The following QPRT variants were observed in gnomAD, a reference collection of about 807,000 sequenced individuals.
QPRT encodes the protein quinolinate phosphoribosyltransferase.
In QPRT, 17 loss-of-function variants were observed where a neutral mutation model predicts 19.8. The ratio of observed to expected loss-of-function variants is 0.86; its 90% CI spans 0.59 to 1.29. The LOEUF (loss-of-function observed/expected upper bound fraction) is 1.29, where lower values mean the gene tolerates loss of function less well. Among genes scored for constraint, QPRT ranks in the 50% most tolerant of loss-of-function variants. The probability of loss-of-function intolerance (pLI) is 0.00; values close to 1 mark genes in which losing one functional copy is unlikely to be tolerated. For missense variants in QPRT, 336 were observed against 405.1 expected (o/e 0.83, Z 1.46); for synonymous variants, 178 against 191.0 (o/e 0.93, Z 0.56).
chr16:29,697,194 C>T lies in QPRT; in HGVS notation c.682-5C>T, dbSNP rs76251984. ...TCTTACCTCCCCTTGGCTTGTGTCC[C>T]GCAGGAGCTGCACCCCACGGCCACC... On this transcript the variant is annotated splice_polypyrimidine_tract_variant and splice_region_variant and intron_variant, in intron 3 of 3. Coordinates refer to ENST00000395384, the MANE Select transcript of QPRT (RefSeq NM_014298.6). This position sits in a 1 kb window ranked among gnomAD's most constrained non-coding sequence, Gnocchi z 4.4. 213 of 1,605,204 alleles carry T rather than the reference C, an allele frequency of 1.3e-4. 1 individual carries two copies. In the East Asian group the frequency reaches 4.2e-3, roughly 32 times the overall value.
chr16:29,688,959 T>G (rs1967245768), intron 1 of QPRT, among the ~76,000 whole-genome samples: 1 of 151,064 alleles, frequency 6.6e-6, no homozygotes, highest in African/African-American at 2.4e-5. Flanking sequence ...TTTTGTATTT[T>G]TAGGAGAGAC....
At chr16:29,689,696 G>A (rs542735027) in intron 1 of QPRT, among the ~76,000 whole-genome samples, 197 of 152,054 alleles carry the variant, frequency 1.3e-3, no homozygotes, top group Middle Eastern at 3.4e-3. Context: ...GTTAAAATTC[G>A]ACCCCTGACC....
In QPRT at chr16:29,698,051, T is replaced by C. The variant is rs935432723; in HGVS notation, c.*640T>C. 1 of 150,360 alleles carries C rather than the reference T, an allele frequency of 6.7e-6. No homozygotes were observed. The highest frequency in any genetic ancestry group is 2.5e-5 in the African/African-American group (1 of 40,812). The allele number at this position is 150,360 out of a possible 1,614,324, so 9.3% of individuals were successfully genotyped here. A position where few individuals can be genotyped will look rare whatever the true frequency, so the allele number is the denominator to read the frequency against. On this transcript the variant is annotated 3_prime_UTR_variant, in exon 4 of 4. Coordinates refer to ENST00000395384, the MANE Select transcript of QPRT (RefSeq NM_014298.6). ...GGGAGGGAGGGAGGGAAAGGAAGGA[T>C]GGAAAGAAAGGAAGAAAGGCAGGCA...
At chr16:29,695,281 A>G (rs1246102887) in intron 2 of QPRT, 82 bp downstream of exon 2, 2 of 1,399,082 alleles carry the variant, frequency 1.4e-6, no homozygotes, top group African/African-American at 1.6e-5. Flanking sequence ...GCCTCCAGCC[A>G]TGACCGGGTG....
Position 29,697,340 on chromosome 16 carries a change from G to A in QPRT, c.823G>A (p.Ala275Thr), listed in dbSNP as rs370627302. Residue 275 changes from alanine to threonine, a missense_variant, in exon 4 of 4, where the codon GCG (alanine) becomes ACG (threonine). Ala to Thr is a moderately conservative substitution (Grantham distance 58, BLOSUM62 0). Coordinates refer to ENST00000395384, the MANE Select transcript of QPRT (RefSeq NM_014298.6). The surrounding 1 kb of genome is among the most constrained non-coding windows in gnomAD (Gnocchi z 4.4). ...DVISMGMLTQAAPALDFSLKL... is the reference protein window; with the variant it reads ...DVISMGMLTQTAPALDFSLKL... ...CATCTCCATGGGGATGCTGACCCAG[G>A]CGGCCCCAGCCCTTGATTTCTCCCT... 1 of 1,614,126 alleles carries A rather than the reference G, an allele frequency of 6.2e-7. No individual in the cohort carries two copies. Among genetic ancestry groups the A allele is most frequent in the Non-Finnish European group, 8.5e-7 (1 of 1,179,994 alleles).
Position 29,695,215 on chromosome 16 carries a change from G to C in QPRT, c.549+16G>C. The stretch of plus-strand genomic sequence containing the variant: ...CGTGGAGAAGGTGCTGGTCCTGCCT[G>C]TCCCTGGTCCAACCCCACCCTCAGC... On this transcript the variant is annotated intron_variant, in intron 2 of 3. Coordinates refer to ENST00000395384, the MANE Select transcript of QPRT (RefSeq NM_014298.6). The C allele has an allele frequency of 6.6e-7, 1 of 1,518,388 alleles. No individual in the cohort carries two copies. The highest frequency in any genetic ancestry group is 8.8e-7 in the Non-Finnish European group (1 of 1,130,274). The allele number at this position is 1,518,388 out of a possible 1,614,324, so 94.1% of individuals were successfully genotyped here. A position where few individuals can be genotyped will look rare whatever the true frequency, so the allele number is the denominator to read the frequency against.
intron 1 of QPRT, among the ~76,000 whole-genome samples, chr16:29,686,279 C>T (rs950350168): frequency 1.1e-4 from 17 of 152,152 alleles, no homozygotes; most frequent in African/African-American, 4.1e-4. Context: ...CCACACTGCC[C>T]CCACCCCGAC....
intron 1 of QPRT, 128 bp downstream of exon 1, chr16:29,679,338 G>A: frequency 3.1e-6 from 2 of 653,972 alleles, no homozygotes; most frequent in Non-Finnish European, 5.4e-6. Context: ...TCCCGCCATC[G>A]ACTCCCTTAC....
At chr16:29,683,917 G>A (rs1302022994) in intron 1 of QPRT, among the ~76,000 whole-genome samples, 3 of 152,082 alleles carry the variant, frequency 2.0e-5, no homozygotes, top group Non-Finnish European at 2.9e-5. Context: ...TGCGCTCCTC[G>A]AGCATGACAA....
rs1967574799 is a variant in QPRT, at chr16:29,697,287, C to T, written c.770C>T (p.Pro257Leu). 6.2e-7 allele frequency: 1 copy of T among 1,614,214 alleles called. No individual in the cohort carries two copies. The highest frequency in any genetic ancestry group is 2.2e-5 in the East Asian group (1 of 44,888). The change falls in exon 4 of 4, where the codon CCC becomes CTC. Residue 257 changes from proline (P) to leucine (L), a missense_variant. Transcript: ENST00000395384. This position sits in a 1 kb window ranked among gnomAD's most constrained non-coding sequence, Gnocchi z 4.4. ...GGGGGCATCACCCTGGACAACCTCC[C>T]CCAGTTCTGCGGGCCGCACATAGAC... is the stretch of plus-strand genomic sequence containing the variant. Reference protein sequence around the residue: ...ASGGITLDNLPQFCGPHIDVI... With the variant: ...ASGGITLDNLLQFCGPHIDVI...
At position 29,691,290 on chromosome 16, in the gene QPRT, G is replaced by A. The variant is rs537623602; in HGVS notation, c.14-3374G>A. ...TGAGGCAGAAGAATCCCTGGAACCC[G>A]CGGGACGGAGGTTGCAGTGAGGTGA... On this transcript the variant is annotated intron_variant, in intron 1 of 3. Coordinates refer to ENST00000395384, the MANE Select transcript of QPRT (RefSeq NM_014298.6). 4.6e-4 allele frequency among the ~76,000 whole-genome samples: 68 copies of A among 147,498 alleles called. 1 individual carries two copies. The highest frequency in any genetic ancestry group is 3.5e-3 in the Middle Eastern group (1 of 284).
At chr16:29,694,578 T>C in intron 1 of QPRT, 86 bp from the exon 2 acceptor site, 1 of 1,399,114 alleles carries the variant, frequency 7.1e-7, no homozygotes, top group Admixed American at 2.4e-5. Context: ...CAGTTCCCAG[T>C]TTCACTGGTT....
At chr16:29,686,835 C>T (rs980746568) in intron 1 of QPRT, among the ~76,000 whole-genome samples, 2 of 152,184 alleles carry the variant, frequency 1.3e-5, no homozygotes, top group African/African-American at 2.4e-5. Flanking sequence ...TTCCTCCCAC[C>T]CTGGCTTCCC....
chr16:29,694,658 C>T lies in QPRT; in HGVS notation c.14-6C>T. On this transcript the variant is annotated splice_region_variant and splice_polypyrimidine_tract_variant and intron_variant, in intron 1 of 3. Transcript: ENST00000395384. The stretch of plus-strand genomic sequence containing the variant: ...AAACTCAACAGCTGTTCTCTCTTCC[C>T]CCCAGGCCTGGCGCTGCTGCTGCCG... 1 of 1,534,324 alleles carries T rather than the reference C, an allele frequency of 6.5e-7. No homozygotes were observed. Among genetic ancestry groups the T allele is most frequent in the Non-Finnish European group, 8.8e-7 (1 of 1,141,430 alleles).
At chr16:29,681,493 CTTT>C (rs10680462) in intron 1 of QPRT, among the ~76,000 whole-genome samples, 2 of 97,150 alleles carry the variant, frequency 2.1e-5, no homozygotes, top group Non-Finnish European at 1.9e-5. Flanking sequence ...GATCCAGATT[CTTT>C]TTTTTTTTTT....
chr16:29,682,660 G>A (rs958289927), intron 1 of QPRT, among the ~76,000 whole-genome samples: 48 of 151,978 alleles, frequency 3.2e-4, no homozygotes, highest in African/African-American at 1.0e-3. Context: ...GATTACAGGC[G>A]CAAGTCACTG....
intron 1 of QPRT, among the ~76,000 whole-genome samples, chr16:29,687,000 TA>T (rs1967181762): frequency 1.3e-5 from 2 of 152,262 alleles, no homozygotes; most frequent in African/African-American, 4.8e-5. Context: ...CTCTTTCTCT[TA>T]CTTGTCAGGC....
intron 1 of QPRT, among the ~76,000 whole-genome samples, chr16:29,689,505 C>G (rs559223807): frequency 5.3e-5 from 8 of 152,124 alleles, no homozygotes; most frequent in African/African-American, 1.7e-4. Context: ...AGTTTAGTAC[C>G]CATTAGTTAT....
At chr16:29,689,217 C>T (rs758039789) in intron 1 of QPRT, among the ~76,000 whole-genome samples, 17 of 152,104 alleles carry the variant, frequency 1.1e-4, no homozygotes, top group Non-Finnish European at 2.1e-4. Flanking sequence ...GCCTCAGCCT[C>T]CCAAGTAGCT....
Sources: allele counts gnomAD v4.1 joint callset (sites outside exome capture counted in the v4.1 genomes callset), GRCh38; gene constraint gnomAD v4.1.1; non-coding constraint Gnocchi (gnomAD v3.1); transcripts MANE v1.5; gene names NCBI Gene and HGNC (gene_info 2026-07-23, HGNC 2026-07-21).